Variants in SZT2 observed in about 807,000 individuals in gnomAD.
SZT2 encodes KICSTOR complex protein SZT2.
In SZT2, 216 loss-of-function variants were observed where a neutral mutation model predicts 404.2. That is an observed-to-expected ratio of 0.53 (90% CI 0.48 to 0.60). The LOEUF is 0.60. Among genes scored for constraint, SZT2 ranks in the 20% least tolerant of loss-of-function variants. The pLI, the probability that SZT2 is intolerant of heterozygous loss-of-function variation, is 0.00. For synonymous variants in SZT2, 1,693 were observed against 1,749.9 expected (o/e 0.97, Z 0.81); for missense variants, 3,857 against 4,459.2 (o/e 0.86, Z 3.85).
In SZT2 at chr1:43,426,743, T is replaced by C. The variant is rs200981894; in HGVS notation, c.3243T>C (p.His1081=). 155 of 1,613,258 alleles carry C rather than the reference T, an allele frequency of 9.6e-5. No homozygotes were observed. Among genetic ancestry groups the C allele is most frequent in the Non-Finnish European group, 1.2e-4 (146 of 1,179,762 alleles). The change falls in exon 23 of 72, where the codon CAT becomes CAC. Residue 1081 remains histidine, a synonymous_variant. Transcript: ENST00000634258. The surrounding 1 kb of genome is among the most constrained non-coding windows in gnomAD (Gnocchi z 4.9). ...CCGAGGGGCCACTGCTGGGGGTTCA[T>C]GGGATCCCGAAGGAGCAAGCAGTCG... ...PGAEGPLLGV[H]GIPKEQAVGS... is the part of the protein sequence containing the mutation.
At chr1:43,393,770 A>G (rs992397199) in intron 1 of SZT2, among the ~76,000 whole-genome samples, 1 of 152,272 alleles carries the variant, frequency 6.6e-6, no homozygotes, top group Admixed American at 6.5e-5. Flanking sequence ...TATACATGGT[A>G]TGCAGCACAG....
Position 43,424,418 on chromosome 1 carries a change from C to T in SZT2, c.2457C>T (p.Leu819=), listed in dbSNP as rs762863459. The T allele has an allele frequency of 2.5e-6, 4 of 1,597,800 alleles. No individual in the cohort carries two copies. The highest frequency in any genetic ancestry group is 1.1e-5 in the South Asian group (1 of 91,056). The change falls in exon 16 of 72, where the codon CTC becomes CTT. Residue 819 remains leucine (L), a synonymous_variant. Transcript: ENST00000634258. The surrounding 1 kb of genome is among the most constrained non-coding windows in gnomAD (Gnocchi z 4.1). ...CTCTCAGTGCCATTGCCCAGCTCCT[C>T]TCCATCCTCACTGAGTATGTCATCC... ...ALPLSAIAQL[L]SILTEVRLSE... is the part of the protein sequence containing the mutation.
In SZT2 at chr1:43,396,898, C is replaced by G. The variant is rs201524877; in HGVS notation, c.28-6279C>G. The stretch of plus-strand genomic sequence containing the variant: ...AAAACTCCAAAAATAGAATAGCTTA[C>G]CTTGTCCATAAATGATTGAAAGATG... On this transcript the variant is annotated intron_variant, in intron 1 of 71. Coordinates refer to ENST00000634258, the MANE Select transcript of SZT2 (RefSeq NM_001365999.1). Among the ~76,000 whole-genome samples the G allele has an allele frequency of 6.6e-5, 10 of 152,256 alleles. No homozygotes were observed. The East Asian group carries it at 1.2e-3, about 18-fold the overall frequency.
rs1227988712 is a variant in SZT2 at position 43,420,504 on chromosome 1, C to T, written c.1261+181C>T. ...GCATGGAGCTTCCCAATTCTATCTCCTTTTGCCCAAGGTGAACCAGCTGAG... is the reference window on the plus strand; with the variant it reads ...GCATGGAGCTTCCCAATTCTATCTCTTTTTGCCCAAGGTGAACCAGCTGAG... On this transcript the variant is annotated intron_variant, in intron 9 of 71. Transcript: ENST00000634258. The surrounding 1 kb of genome is among the most constrained non-coding windows in gnomAD (Gnocchi z 5.1). Among the ~76,000 whole-genome samples, 1 of 152,218 alleles carries T rather than the reference C, an allele frequency of 6.6e-6. No homozygotes were observed. Among genetic ancestry groups the T allele is most frequent in the East Asian group, 1.9e-4 (1 of 5,202 alleles).
chr1:43,402,480 A>C (rs1649795489), intron 1 of SZT2, among the ~76,000 whole-genome samples: 1 of 152,204 alleles, frequency 6.6e-6, no homozygotes, highest in Non-Finnish European at 1.5e-5. Context: ...GTCCAAGTGC[A>C]GCTGCCATAG....
chr1:43,437,787 G>A lies in SZT2; in HGVS notation c.6397-4G>A. 1 of 1,614,152 alleles carries A rather than the reference G, an allele frequency of 6.2e-7. No homozygotes were observed. The highest frequency in any genetic ancestry group is 8.5e-7 in the Non-Finnish European group (1 of 1,180,026). ...CGGGGCCCTGACCACAGTTTTCCCT[G>A]TAGGGTCCTCGTTCTCCCTTAGACA... On this transcript the variant is annotated splice_region_variant and splice_polypyrimidine_tract_variant and intron_variant, in intron 45 of 71. Coordinates refer to ENST00000634258, the MANE Select transcript of SZT2 (RefSeq NM_001365999.1). This position sits in a 1 kb window ranked among gnomAD's most constrained non-coding sequence, Gnocchi z 5.3.
At position 43,420,430 on chromosome 1, in the gene SZT2, T is replaced by C. The variant is rs1652216892; in HGVS notation, c.1261+107T>C. On this transcript the variant is annotated intron_variant, in intron 9 of 71. Coordinates refer to ENST00000634258, the MANE Select transcript of SZT2 (RefSeq NM_001365999.1). The surrounding 1 kb of genome is among the most constrained non-coding windows in gnomAD (Gnocchi z 5.1). The stretch of plus-strand genomic sequence containing the variant: ...AAAGAGTGTCACATTGAAGTCCTTA[T>C]CACTTGAGACAGTGGGTTTTGAATT... The C allele has an allele frequency of 7.4e-7, 1 of 1,351,212 alleles. No individual in the cohort carries two copies. The highest frequency in any genetic ancestry group is 9.8e-7 in the Non-Finnish European group (1 of 1,017,014). The allele number at this position is 1,351,212 out of a possible 1,614,324, so 83.7% of individuals were successfully genotyped here.
rs777995681 is a variant in SZT2, at chr1:43,451,518, C to T, written c.*1038C>T. On this transcript the variant is annotated 3_prime_UTR_variant, in exon 72 of 72. Coordinates refer to ENST00000634258, the MANE Select transcript of SZT2 (RefSeq NM_001365999.1). Reference sequence around the variant, plus strand: ...CCGGGGCTGCTGGGCTCCCCTCGGCCTGGGACCTGTGCCACCTGCACATGC... The same window carrying T: ...CCGGGGCTGCTGGGCTCCCCTCGGCTTGGGACCTGTGCCACCTGCACATGC... The T allele has an allele frequency of 6.2e-7, 1 of 1,614,146 alleles. No individual in the cohort carries two copies. Among genetic ancestry groups the T allele is most frequent in the South Asian group, 1.1e-5 (1 of 91,086 alleles).
intron 3 of SZT2, 114 bp from the exon 4 acceptor site, chr1:43,404,266 G>T: frequency 1.2e-6 from 1 of 857,242 alleles, no homozygotes. Flanking sequence ...ACTGTATTTG[G>T]GTGTGCGATC....
In SZT2 at chr1:43,441,083, C is replaced by A; in HGVS notation, c.7345-131C>A. On this transcript the variant is annotated intron_variant, in intron 52 of 71. Transcript: ENST00000634258. The surrounding 1 kb of genome is among the most constrained non-coding windows in gnomAD (Gnocchi z 4.8). Reference sequence around the variant, plus strand: ...GGTAACCTGCCCAAGGCTCCTTAGCCAGCCCCTGGGGAAGCCAGGGTCTGA... The same window carrying A: ...GGTAACCTGCCCAAGGCTCCTTAGCAAGCCCCTGGGGAAGCCAGGGTCTGA... The A allele has an allele frequency of 8.4e-7, 1 of 1,185,574 alleles. No homozygotes were observed. The highest frequency in any genetic ancestry group is 1.2e-6 in the Non-Finnish European group (1 of 840,340). The allele number at this position is 1,185,574 out of a possible 1,614,324, so 73.4% of individuals were successfully genotyped here. A position where few individuals can be genotyped will look rare whatever the true frequency, so the allele number is the denominator to read the frequency against.
At position 43,409,280 on chromosome 1, in the gene SZT2, C is replaced by T. The variant is rs190762497; in HGVS notation, c.498+4730C>T. ...CCAGTTTGGGGTAAGCAGGGCGTTC[C>T]TATTGACTGACTTGCTTTCTCTTTG... On this transcript the variant is annotated intron_variant, in intron 4 of 71. Transcript: ENST00000634258. Among the ~76,000 whole-genome samples the T allele has an allele frequency of 3.4e-3, 519 of 152,212 alleles. 4 individuals are homozygous for T. The highest frequency in any genetic ancestry group is 3.4e-3 in the Middle Eastern group (1 of 294).
Position 43,430,483 on chromosome 1 carries a change from C to T in SZT2, c.4481-13C>T. On this transcript the variant is annotated splice_polypyrimidine_tract_variant and intron_variant, in intron 31 of 71. Transcript: ENST00000634258. ...CCAGCCTCTCTCATTGACCATGTGA[C>T]ATGCACTACTAGGAGACACATCTGC... 6.2e-7 allele frequency: 1 copy of T among 1,612,096 alleles called. No homozygotes were observed. The highest frequency in any genetic ancestry group is 8.5e-7 in the Non-Finnish European group (1 of 1,178,556).
chr1:43,449,869 C>A (rs896843590), intron 70 of SZT2: 8 of 602,682 alleles, frequency 1.3e-5, no homozygotes, highest in Admixed American at 2.7e-5. Flanking sequence ...CTGTGTGGGG[C>A]CTCCAGGATC....
chr1:43,451,400 C>A lies in SZT2; in HGVS notation c.*920C>A, dbSNP rs766303821. On this transcript the variant is annotated 3_prime_UTR_variant, in exon 72 of 72. Coordinates refer to ENST00000634258, the MANE Select transcript of SZT2 (RefSeq NM_001365999.1). ...CCTCCAGAGCTCCCTTCCCCAGGGC[C>A]ACGCCTCACCTCGAGGCTGATACTC... is the stretch of plus-strand genomic sequence containing the variant. 1 of 1,612,256 alleles carries A rather than the reference C, an allele frequency of 6.2e-7. No individual in the cohort carries two copies. Among genetic ancestry groups the A allele is most frequent in the East Asian group, 2.2e-5 (1 of 44,860 alleles).
Position 43,428,010 on chromosome 1 carries a change from T to A in SZT2, c.3811T>A (p.Phe1271Ile). The change falls in exon 27 of 72, where the codon TTC becomes ATC. Residue 1271 changes from phenylalanine (F) to isoleucine (I), a missense_variant. Around this residue, in one of 7 missense-constraint regions of SZT2, gnomAD observed 1,725 missense variants for 1,881.0 expected, o/e 0.92. Transcript: ENST00000634258. ...TTTCCCTTCGTTTCCTAGGACTCAG[T>A]TCCTCGACCACCCCTCCCCATCCTC... is the stretch of plus-strand genomic sequence containing the variant. ...APRDLIFRTQ[F>I]LDHPSPSSAW... is the part of the protein sequence containing the mutation. The A allele has an allele frequency of 6.2e-7, 1 of 1,613,934 alleles. No homozygotes were observed.
rs770926902 is a variant in SZT2, at chr1:43,432,566, G to T, written c.5492G>T (p.Gly1831Val). Residue 1831 changes from glycine (G) to valine (V), a missense_variant, in exon 38 of 72, where the codon GGT (glycine) becomes GTT (valine). Physicochemically the swap from Gly to Val is moderately radical, Grantham distance 109. This residue lies in a region of SZT2 where 1,725 missense variants were observed against 1,881.0 expected (regional missense o/e 0.92). Transcript: ENST00000634258. ...QAPGSPEDSEGVPLISLPRVP... is the reference protein window; with the variant it reads ...QAPGSPEDSEVVPLISLPRVP... ...CCTGGGTCCCCAGAGGATTCTGAGG[G>T]TGTCCCCCTCATCAGCCTGCCCCGC... 3.7e-6 allele frequency: 6 copies of T among 1,613,770 alleles called. No homozygotes were observed. The South Asian group carries it at 5.5e-5, about 15-fold the overall frequency.
Position 43,452,809 on chromosome 1 carries a change from T to C in SZT2, c.*2329T>C. ...TTTGACATTTGAATCAGCCCCACTT[T>C]GAGCCGTCCACCTCCTCCCATCATC... is the stretch of plus-strand genomic sequence containing the variant. On this transcript the variant is annotated 3_prime_UTR_variant, in exon 72 of 72. Coordinates refer to ENST00000634258, the MANE Select transcript of SZT2 (RefSeq NM_001365999.1). 1 of 1,345,770 alleles carries C rather than the reference T, an allele frequency of 7.4e-7. No individual in the cohort carries two copies. Among genetic ancestry groups the C allele is most frequent in the Non-Finnish European group, 1.0e-6 (1 of 965,678 alleles). 83.4% of individuals were successfully genotyped at this position (1,345,770 alleles called of 1,614,324 possible). A position where few individuals can be genotyped will look rare whatever the true frequency, so the allele number is the denominator to read the frequency against.
At chr1:43,436,340 TTTCAAAGGCATC>T (rs1285770189) in intron 42 of SZT2, 1 of 152,160 alleles carries the variant, frequency 6.6e-6, no homozygotes, top group Non-Finnish European at 1.5e-5. Flanking sequence ...ATTCCCATGG[TTTCAAAGGCATC>T]TTCTGCAAAT....
In SZT2 at chr1:43,452,316, G is replaced by A. The variant is rs1191573722; in HGVS notation, c.*1836G>A. 6.2e-7 allele frequency: 1 copy of A among 1,612,960 alleles called. No homozygotes were observed. On this transcript the variant is annotated 3_prime_UTR_variant, in exon 72 of 72. Transcript: ENST00000634258. Reference sequence around the variant, plus strand: ...GGGGTACTCGGCCAGCCATCAGGTGGATCCTGTGGGGAAGATGGACTGGAG... The same window carrying A: ...GGGGTACTCGGCCAGCCATCAGGTGAATCCTGTGGGGAAGATGGACTGGAG...
Sources: gnomAD v4.1 joint callset for allele counts (sites outside exome capture counted in the v4.1 genomes callset) on GRCh38, gnomAD v4.1.1 for gene constraint, gnomAD v4.1.1 regional missense constraint, Gnocchi (gnomAD v3.1) non-coding constraint, MANE v1.5 for transcripts, NCBI Gene and HGNC (gene_info 2026-07-23, HGNC 2026-07-21) for gene names.